Variants in MET observed in about 807,000 individuals in gnomAD.
MET encodes the protein MET proto-oncogene, receptor tyrosine kinase, also known as hepatocyte growth factor receptor.
In MET, 48 loss-of-function variants were observed where a neutral mutation model predicts 133.1. The ratio of observed to expected loss-of-function variants is 0.36; its 90% confidence interval spans 0.29 to 0.46. MET has a LOEUF of 0.46. Ranked by LOEUF, MET falls within the 20% of genes least tolerant of loss-of-function variation. The pLI, the probability that MET is intolerant of heterozygous loss-of-function variation, is 1.00. For missense variants in MET, 1,442 were observed against 1,695.9 expected, an observed-to-expected ratio of 0.85 and a Z score of 2.63; for synonymous variants, 628 against 616.5, an observed-to-expected ratio of 1.02 and a Z score of -0.28.
chr7:116,722,807 GC>G, intron 2 of MET, among the ~76,000 whole-genome samples: 1 of 152,134 alleles, frequency 6.6e-6, no homozygotes, highest in East Asian at 1.9e-4. Flanking sequence ...TGGAATATTG[GC>G]CCCCACTCTC....
At chr7:116,748,682 A>C (rs1793792613) in intron 5 of MET, among the ~76,000 whole-genome samples, 1 of 152,188 alleles carries the variant, frequency 6.6e-6, no homozygotes, top group African/African-American at 2.4e-5. Context: ...TTTTTTGAAA[A>C]GATCAACAAA....
chr7:116,703,088 C>G (rs1226094191), intron 2 of MET, among the ~76,000 whole-genome samples: 1 of 152,168 alleles, frequency 6.6e-6, no homozygotes, highest in East Asian at 1.9e-4. Context: ...CAGTACTCGT[C>G]ATCTTCACCC....
intron 14 of MET, 75 bp downstream of exon 14, chr7:116,772,064 T>A: frequency 6.5e-7 from 1 of 1,542,012 alleles, no homozygotes; most frequent in Non-Finnish European, 8.9e-7. Context: ...TGTTTATTTT[T>A]GGTTTTGCAT....
intron 14 of MET, among the ~76,000 whole-genome samples, chr7:116,774,546 G>A (rs183129962): frequency 3.9e-5 from 6 of 152,154 alleles, no homozygotes; most frequent in Admixed American, 6.5e-5. Context: ...TTTGTGAGAC[G>A]AGGCAATTGC....
intron 2 of MET, among the ~76,000 whole-genome samples, chr7:116,719,571 A>G (rs1217179005): frequency 6.6e-6 from 1 of 152,156 alleles, no homozygotes; most frequent in East Asian, 1.9e-4. Flanking sequence ...GCCCATGCCT[A>G]TGTCCTGAAT....
At position 116,750,547 on chromosome 7, in the gene MET, C is replaced by A. The variant is rs189232404; in HGVS notation, c.1702-4808C>A. ...GGCAAAGACTTCATGACTAAAACAC[C>A]AAAAGCAATGGCAACAAAAGTCTAA... On this transcript the variant is annotated intron_variant, in intron 5 of 20. Coordinates refer to ENST00000397752, the MANE Select transcript of MET (RefSeq NM_000245.4). 5.8e-4 allele frequency among the ~76,000 whole-genome samples: 89 copies of A among 152,236 alleles called. 1 individual carries two copies. The highest frequency in any genetic ancestry group is 2.0e-3 in the African/African-American group (84 of 41,534).
Position 116,795,667 on chromosome 7 carries a change from G to A in MET, c.3811G>A (p.Val1271Met), listed in dbSNP as rs751186512. The change falls in exon 20 of 21, where the codon GTG becomes ATG. Residue 1271 changes from valine to methionine, a missense_variant. Val to Met is a conservative substitution (Grantham distance 21). Around this residue, in one of 6 missense-constraint regions of MET, gnomAD observed 32 missense variants for 72.4 expected, o/e 0.44. Coordinates refer to ENST00000397752, the MANE Select transcript of MET (RefSeq NM_000245.4). ...TTKSDVWSFG[V>M]LLWELMTRGA... ...CTTGTTTTACTAGTGGTCCTTTGGCGTGCTCCTCTGGGAGCTGATGACAAG... is the reference window on the plus strand; with the variant it reads ...CTTGTTTTACTAGTGGTCCTTTGGCATGCTCCTCTGGGAGCTGATGACAAG... 61 of 1,613,646 alleles carry A rather than the reference G, an allele frequency of 3.8e-5. No individual in the cohort carries two copies. Among genetic ancestry groups the A allele is most frequent in the South Asian group, 5.5e-5 (5 of 91,080 alleles).
At chr7:116,740,616 C>T (rs1793407396) in intron 4 of MET, among the ~76,000 whole-genome samples, 1 of 152,160 alleles carries the variant, frequency 6.6e-6, no homozygotes, top group Non-Finnish European at 1.5e-5. Flanking sequence ...TGTGGCAATG[C>T]TATGCTCACT....
intron 1 of MET, among the ~76,000 whole-genome samples, chr7:116,677,117 T>G (rs1394769739): frequency 6.6e-6 from 1 of 152,006 alleles, no homozygotes; most frequent in Non-Finnish European, 1.5e-5. Context: ...TTTTCCACAC[T>G]GTGAGCCTGT....
intron 10 of MET, among the ~76,000 whole-genome samples, chr7:116,760,973 C>A (rs2116945612): frequency 6.6e-6 from 1 of 152,202 alleles, no homozygotes; most frequent in Non-Finnish European, 1.5e-5. Flanking sequence ...ATAATAGTGA[C>A]CCTCTTTGGT....
chr7:116,735,949 G>A (rs1004673037), intron 3 of MET, among the ~76,000 whole-genome samples: 11 of 151,774 alleles, frequency 7.2e-5, no homozygotes, highest in African/African-American at 1.5e-4. Context: ...GCTAATTTTT[G>A]TACTTTTAGT....
chr7:116,744,427 A>G (rs1351672109), intron 5 of MET, among the ~76,000 whole-genome samples: 1 of 152,226 alleles, frequency 6.6e-6, no homozygotes, highest in African/African-American at 2.4e-5. Flanking sequence ...ATCAAGTGGA[A>G]GAAAGAATGT....
intron 2 of MET, among the ~76,000 whole-genome samples, chr7:116,722,608 A>G (rs1792539624): frequency 6.6e-6 from 1 of 150,896 alleles, no homozygotes; most frequent in Non-Finnish European, 1.5e-5. Flanking sequence ...ATGATTTTGC[A>G]GCGGCTGGTA....
At chr7:116,677,439 G>T (rs1006199277) in intron 1 of MET, among the ~76,000 whole-genome samples, 5 of 152,244 alleles carry the variant, frequency 3.3e-5, no homozygotes, top group African/African-American at 1.2e-4. Flanking sequence ...AGGAAAAGCA[G>T]AGGGGCAGTC....
At chr7:116,708,689 C>T (rs1791886394) in intron 2 of MET, among the ~76,000 whole-genome samples, 1 of 152,138 alleles carries the variant, frequency 6.6e-6, no homozygotes, top group Non-Finnish European at 1.5e-5. Flanking sequence ...CCTTTCCTGG[C>T]CTGTCACCTT....
At chr7:116,746,346 T>C (rs1793684403) in intron 5 of MET, among the ~76,000 whole-genome samples, 1 of 152,242 alleles carries the variant, frequency 6.6e-6, no homozygotes, top group Admixed American at 6.5e-5. Context: ...TGTAAACTAG[T>C]TCAACCATTG....
chr7:116,708,760 C>T (rs1249355694), intron 2 of MET, among the ~76,000 whole-genome samples: 1 of 152,066 alleles, frequency 6.6e-6, no homozygotes, highest in Non-Finnish European at 1.5e-5. Flanking sequence ...TCCTTGTTTC[C>T]CTCTTCTTCC....
In MET at chr7:116,757,499, A is replaced by G. The variant is rs1024506023; in HGVS notation, c.1925A>G (p.Asn642Ser). Residue 642 changes from asparagine to serine, a missense_variant, in exon 7 of 21, where the codon AAT becomes AGT. Physicochemically the swap from Asn to Ser is conservative, Grantham distance 46. Transcript: ENST00000397752. Reference protein sequence around the residue: ...KHFNMSIIISNGHGTTQYSTF... With the variant: ...KHFNMSIIISSGHGTTQYSTF... ...TTCAATATGTCCATAATTATTTCAA[A>G]TGGCCACGGGACAACACAATACAGT... 1.9e-6 allele frequency: 3 copies of G among 1,613,934 alleles called. No homozygotes were observed. Among genetic ancestry groups the G allele is most frequent in the Non-Finnish European group, 2.5e-6 (3 of 1,179,944 alleles).
At chr7:116,708,406 A>C (rs529965806) in intron 2 of MET, among the ~76,000 whole-genome samples, 126 of 152,324 alleles carry the variant, frequency 8.3e-4, no homozygotes, top group African/African-American at 3.0e-3. Context: ...AAGCTGCTAC[A>C]TTAAATCAGC....
Sources: gnomAD v4.1 joint callset for allele counts (sites outside exome capture counted in the v4.1 genomes callset) on GRCh38, gnomAD v4.1.1 for gene constraint, gnomAD v4.1.1 regional missense constraint, MANE v1.5 for transcripts, NCBI Gene and HGNC (gene_info 2026-07-23, HGNC 2026-07-21) for gene names.